The following SYNE3 variants were observed in gnomAD, a reference collection of about 807,000 sequenced individuals.
SYNE3 encodes spectrin repeat containing nuclear envelope family member 3.
In SYNE3, 100 loss-of-function variants were observed where a neutral mutation model predicts 111.2. That is an observed-to-expected ratio of 0.90 (90% CI 0.77 to 1.06). The LOEUF is 1.06. SYNE3 is among the 50% of genes least tolerant of loss of function. SYNE3 has a pLI of 0.00. For synonymous variants in SYNE3, 547 were observed against 533.9 expected (o/e 1.02, Z -0.34); for missense variants, 1,160 against 1,240.3 (o/e 0.94, Z 0.97).
intron 17 of SYNE3, among the ~76,000 whole-genome samples, chr14:95,423,569 GAT>G (rs1885260223): frequency 4.8e-5 from 1 of 20,958 alleles, no homozygotes; most frequent in Non-Finnish European, 8.8e-5. Context: ...ATTTGATGGG[GAT>G]GAGGATTTGG....
chr14:95,514,312 G>T (rs1237809438), intron 1 of SYNE3, among the ~76,000 whole-genome samples: 4 of 152,190 alleles, frequency 2.6e-5, no homozygotes, highest in African/African-American at 9.7e-5. Flanking sequence ...CACATCAATG[G>T]GTCAGCTGTT....
At chr14:95,513,163 T>C (rs1006635068) in intron 1 of SYNE3, among the ~76,000 whole-genome samples, 8 of 152,232 alleles carry the variant, frequency 5.3e-5, no homozygotes, top group Admixed American at 5.2e-4. Flanking sequence ...CCGACTCTCC[T>C]GATCCTCTCT....
Position 95,500,656 on chromosome 14 carries a change from T to C in SYNE3, c.-15+15940A>G, listed in dbSNP as rs956853953. On this transcript the variant is annotated intron_variant, in intron 1 of 17. Transcript: ENST00000682763. This position sits in a 1 kb window ranked among gnomAD's most constrained non-coding sequence, Gnocchi z 4.7. ...AGCACTTGGAAGCTGAGCAACCACC[T>C]TCATGATTCCCGCTGATCCTCTCCC... is the stretch of plus-strand genomic sequence containing the variant. Among the ~76,000 whole-genome samples the C allele has an allele frequency of 2.0e-5, 3 of 152,178 alleles. No individual in the cohort carries two copies. The highest frequency in any genetic ancestry group is 7.2e-5 in the African/African-American group (3 of 41,442).
chr14:95,503,610 CTTTTTTTTTTTTTT>C (rs386382233), intron 1 of SYNE3, among the ~76,000 whole-genome samples: 32 of 91,884 alleles, frequency 3.5e-4, no homozygotes, highest in Non-Finnish European at 5.8e-4. Flanking sequence ...TCAGAACTAC[CTTTTTTTTTTTTTT>C]TTTTTTTTTT....
intron 4 of SYNE3, among the ~76,000 whole-genome samples, chr14:95,462,503 G>T (rs1225607192): frequency 6.6e-6 from 1 of 152,188 alleles, no homozygotes; most frequent in Non-Finnish European, 1.5e-5. Context: ...AACTCCAAGG[G>T]CTTCCACCAT....
At chr14:95,429,844 C>T in intron 17 of SYNE3, 4 of 778,944 alleles carry the variant, frequency 5.1e-6, no homozygotes, top group Non-Finnish European at 6.2e-6. Flanking sequence ...CACTGTGCTA[C>T]TGAGCAACAT....
At chr14:95,502,677 G>A (rs1424552842) in intron 1 of SYNE3, among the ~76,000 whole-genome samples, 1 of 152,136 alleles carries the variant, frequency 6.6e-6, no homozygotes, top group African/African-American at 2.4e-5. Context: ...AGGAAAACCA[G>A]CACGTACAAC....
In SYNE3 at chr14:95,474,528, C is replaced by G. The variant is rs1373756220; in HGVS notation, c.144+1150G>C. 3.3e-5 allele frequency among the ~76,000 whole-genome samples: 5 copies of G among 152,316 alleles called. No homozygotes were observed. The East Asian group carries it at 9.6e-4, about 29-fold the overall frequency. ...CAGACAGAAGGTGAAGGGAGCACAG[C>G]AGAGAGCTTGAACGTGACAGGGCTC... is the stretch of plus-strand genomic sequence containing the variant. On this transcript the variant is annotated intron_variant, in intron 2 of 17. Transcript: ENST00000682763.
At chr14:95,482,719 G>A (rs1187739) in intron 1 of SYNE3, among the ~76,000 whole-genome samples, 117,286 of 152,068 alleles carry the variant, frequency 0.77, 46,013 homozygotes, top group African/African-American at 0.9. Context: ...GTCCACCAAT[G>A]ACAGTAAAAG....
In SYNE3 at chr14:95,470,997, AAAGT is replaced by A. The variant is rs1888497436; in HGVS notation, c.145-3034_145-3031del. 1.2e-5 allele frequency among the ~76,000 whole-genome samples: 1 copy of A among 86,570 alleles called. No homozygotes were observed. Among genetic ancestry groups the A allele is most frequent in the East Asian group, 2.1e-4 (1 of 4,668 alleles). The allele number at this position is 86,570 out of a possible 152,430, so 56.8% of individuals were successfully genotyped here. A position where few individuals can be genotyped will look rare whatever the true frequency, so the allele number is the denominator to read the frequency against. ...GCCGTCTCAGGAAAAAAAAAAAAAG[AAAGT>A]AAGATGATATTTCTGATTCCCAGAA... On this transcript the variant is annotated intron_variant, in intron 2 of 17. Coordinates refer to ENST00000682763, the MANE Select transcript of SYNE3 (RefSeq NM_152592.6). The surrounding 1 kb of genome is among the most constrained non-coding windows in gnomAD (Gnocchi z 4.2).
At chr14:95,450,711 G>A (rs529678123) in intron 7 of SYNE3, 36 of 152,414 alleles carry the variant, frequency 2.4e-4, no homozygotes, top group Non-Finnish European at 4.2e-4. Context: ...AGGCACGAGT[G>A]TTCTCTGATT....
intron 1 of SYNE3, among the ~76,000 whole-genome samples, chr14:95,488,737 A>C (rs1889686259): frequency 1.3e-5 from 2 of 149,018 alleles, no homozygotes; most frequent in South Asian, 4.3e-4. Flanking sequence ...AGAGGAGAGG[A>C]GAGGAGAGGA....
intron 1 of SYNE3, among the ~76,000 whole-genome samples, chr14:95,501,413 C>T (rs1317314472): frequency 6.6e-6 from 1 of 152,302 alleles, no homozygotes; most frequent in South Asian, 2.1e-4. Flanking sequence ...AGGGAATGAA[C>T]GGATCTTTGC....
At position 95,410,099 on chromosome 14, in the gene SYNE3, G is replaced by A. The variant is rs1903395562; in HGVS notation, c.*7727C>T. 6.5e-6 allele frequency: 1 copy of A among 153,058 alleles called. No individual in the cohort carries two copies. Among genetic ancestry groups the A allele is most frequent in the Non-Finnish European group, 1.5e-5 (1 of 68,734 alleles). 9.5% of individuals were successfully genotyped at this position (153,058 alleles called of 1,614,324 possible). On this transcript the variant is annotated 3_prime_UTR_variant, in exon 18 of 18. Transcript: ENST00000682763. ...TGTTCCTGCACAAAAACTCTGGCAA[G>A]CTGGGCAGATCTATTTGTCGGTTCC... is the stretch of plus-strand genomic sequence containing the variant.
At chr14:95,469,702 C>A (rs534991321) in intron 2 of SYNE3, among the ~76,000 whole-genome samples, 16 of 151,760 alleles carry the variant, frequency 1.1e-4, no homozygotes, top group Non-Finnish European at 1.9e-4. Flanking sequence ...CACAGCGAGA[C>A]CATGTCTCAA....
chr14:95,431,705 G>A (rs1488272954), intron 17 of SYNE3, among the ~76,000 whole-genome samples: 1 of 152,172 alleles, frequency 6.6e-6, no homozygotes, highest in Non-Finnish European at 1.5e-5. Flanking sequence ...CAGTTTGCCC[G>A]CAACAACCCA....
intron 10 of SYNE3, 143 bp from the exon 11 acceptor site, chr14:95,443,432 G>C (rs1354504928): frequency 6.7e-6 from 7 of 1,042,916 alleles, no homozygotes. Context: ...ACCAGCGGAA[G>C]TACCAACCAC....
chr14:95,493,412 T>A (rs987600520), intron 1 of SYNE3, among the ~76,000 whole-genome samples: 4 of 152,076 alleles, frequency 2.6e-5, no homozygotes, highest in Admixed American at 6.5e-5. Context: ...TCAGAACTGG[T>A]TTTGCCCAGG....
intron 17 of SYNE3, among the ~76,000 whole-genome samples, chr14:95,420,348 G>T (rs982018618): frequency 4.6e-5 from 7 of 152,288 alleles, no homozygotes; most frequent in Middle Eastern, 3.4e-3. Context: ...AAGACAATGA[G>T]CTGGAGGGCC....
Sources: allele counts gnomAD v4.1 joint callset (sites outside exome capture counted in the v4.1 genomes callset), GRCh38; gene constraint gnomAD v4.1.1; non-coding constraint Gnocchi (gnomAD v3.1); transcripts MANE v1.5; gene names NCBI Gene and HGNC (gene_info 2026-07-23, HGNC 2026-07-21).